Variants in TBC1D32 observed in about 807,000 individuals in gnomAD.
TBC1D32 encodes TBC1 domain family member 32, also known as protein broad-minded.
A neutral mutation model predicts 170.3 loss-of-function variants in TBC1D32; 151 were observed. That is an observed-to-expected ratio of 0.89 (90% CI 0.78 to 1.01). The LOEUF is 1.01. Ranked by LOEUF, TBC1D32 falls within the 50% of genes least tolerant of loss-of-function variation. The pLI is 0.00. For synonymous variants in TBC1D32, 498 were observed against 488.0 expected (o/e 1.02, Z -0.27); for missense variants, 1,464 against 1,457.1 (o/e 1.00, Z -0.08).
intron 24 of TBC1D32, among the ~76,000 whole-genome samples, chr6:121,151,556 C>T (rs558885535): frequency 3.3e-5 from 5 of 152,092 alleles, no homozygotes; most frequent in South Asian, 2.1e-4. Context: ...TGAATATTCT[C>T]GTTAATTTTC....
At chr6:121,329,042 A>G (rs1424688481) in intron 1 of TBC1D32, among the ~76,000 whole-genome samples, 2 of 152,228 alleles carry the variant, frequency 1.3e-5, no homozygotes, top group African/African-American at 4.8e-5. Flanking sequence ...ACACTTCAGA[A>G]GCAGCTCAAT....
rs60601929 is a variant in TBC1D32, at chr6:121,262,479, C to CTT, written c.1734-6196_1734-6195dup. The stretch of plus-strand genomic sequence containing the variant: ...AGAGAATAGAGGCCAATATTAAATA[C>CTT]TTTTTTTTTTTTTTTGAGACAGAGT... On this transcript the variant is annotated intron_variant, in intron 15 of 31. Transcript: ENST00000398212. 8.6e-3 allele frequency among the ~76,000 whole-genome samples: 1,233 copies of CTT among 143,452 alleles called. 23 individuals are homozygous for CTT. The highest frequency in any genetic ancestry group is 0.029 in the African/African-American group (1,135 of 39,100). 94.1% of individuals were successfully genotyped at this position (143,452 alleles called of 152,430 possible).
intron 5 of TBC1D32, 104 bp downstream of exon 5, chr6:121,307,872 A>T: frequency 7.4e-7 from 1 of 1,350,910 alleles, no homozygotes; most frequent in South Asian, 1.5e-5. Flanking sequence ...CAAAAAAAAC[A>T]AAAAAGAAAA....
chr6:121,092,730 A>G (rs976652218), intron 30 of TBC1D32, among the ~76,000 whole-genome samples: 1 of 151,984 alleles, frequency 6.6e-6, no homozygotes, highest in Non-Finnish European at 1.5e-5. Context: ...CTGTGTCCCA[A>G]TTTCCGCTTT....
chr6:121,243,721 A>T (rs1797262123), intron 17 of TBC1D32, among the ~76,000 whole-genome samples: 6 of 152,002 alleles, frequency 3.9e-5, no homozygotes, highest in Admixed American at 3.9e-4. Flanking sequence ...CATACATAAC[A>T]TGAAATCCAT....
chr6:121,208,585 G>T (rs1443542028), intron 21 of TBC1D32, among the ~76,000 whole-genome samples: 3 of 151,828 alleles, frequency 2.0e-5, no homozygotes, highest in African/African-American at 7.3e-5. Context: ...TATCATCCTG[G>T]ATTACCAAAG....
intron 24 of TBC1D32, among the ~76,000 whole-genome samples, chr6:121,137,479 T>TAAA (rs200145102): frequency 1.5e-5 from 2 of 133,300 alleles, no homozygotes; most frequent in Admixed American, 7.5e-5. Context: ...TGGAAGAAGG[T>TAAA]AAAAAAAAAA....
intron 29 of TBC1D32, 123 bp downstream of exon 29, chr6:121,112,382 C>T: frequency 2.3e-6 from 2 of 853,646 alleles, no homozygotes; most frequent in Non-Finnish European, 1.7e-6. Context: ...AAAAAACATT[C>T]AAGTAGAAAA....
At chr6:121,092,779 A>G (rs1776969623) in intron 30 of TBC1D32, among the ~76,000 whole-genome samples, 1 of 152,092 alleles carries the variant, frequency 6.6e-6, no homozygotes, top group African/African-American at 2.4e-5. Context: ...GGTCCAACTT[A>G]ATGACCTCAT....
intron 24 of TBC1D32, among the ~76,000 whole-genome samples, chr6:121,156,022 C>T (rs12527407): frequency 0.065 from 9,834 of 151,746 alleles, 622 homozygotes; most frequent in Admixed American, 0.21. Flanking sequence ...ATAATATTGG[C>T]TTTGTAAAAT....
intron 24 of TBC1D32, among the ~76,000 whole-genome samples, chr6:121,156,163 G>T (rs1784861273): frequency 6.6e-6 from 1 of 150,506 alleles, no homozygotes. Flanking sequence ...TTGGTTGTTA[G>T]GCTTTGTATT....
At chr6:121,285,482 C>T (rs888137890) in intron 12 of TBC1D32, among the ~76,000 whole-genome samples, 2 of 152,156 alleles carry the variant, frequency 1.3e-5, no homozygotes, top group Non-Finnish European at 2.9e-5. Flanking sequence ...CACACTCTAC[C>T]TAGCACATGC....
chr6:121,285,978 C>A (rs1490735270), intron 12 of TBC1D32, among the ~76,000 whole-genome samples: 3 of 152,064 alleles, frequency 2.0e-5, no homozygotes, highest in East Asian at 3.9e-4. Context: ...CACACCAAAA[C>A]CCCATCTATA....
At chr6:121,290,094 G>T (rs1342530758) in intron 12 of TBC1D32, among the ~76,000 whole-genome samples, 1 of 152,124 alleles carries the variant, frequency 6.6e-6, no homozygotes, top group East Asian at 1.9e-4. Context: ...CATGGACAAG[G>T]ACTTCATGTC....
chr6:121,317,760 A>G (rs1809135342), intron 2 of TBC1D32, 88 bp from the exon 3 acceptor site: 2 of 970,288 alleles, frequency 2.1e-6, no homozygotes, highest in East Asian at 2.9e-5. Context: ...TTTTTCTATA[A>G]AAAGGGAAGT....
At chr6:121,111,845 A>C (rs1779238441) in intron 29 of TBC1D32, among the ~76,000 whole-genome samples, 1 of 152,168 alleles carries the variant, frequency 6.6e-6, no homozygotes, top group Non-Finnish European at 1.5e-5. Flanking sequence ...TTCACTGTCC[A>C]AATGCAACAT....
chr6:121,083,528 T>C (rs1775863492), intron 31 of TBC1D32, among the ~76,000 whole-genome samples: 1 of 152,118 alleles, frequency 6.6e-6, no homozygotes. Context: ...GGTATATACG[T>C]AGTTTCCCTC....
At chr6:121,224,776 T>C (rs1794882514) in intron 20 of TBC1D32, among the ~76,000 whole-genome samples, 1 of 151,954 alleles carries the variant, frequency 6.6e-6, no homozygotes, top group South Asian at 2.1e-4. Flanking sequence ...AGTGGCTACA[T>C]AATGAATATA....
chr6:121,155,436 A>G (rs1437480915), intron 24 of TBC1D32, among the ~76,000 whole-genome samples: 1 of 152,096 alleles, frequency 6.6e-6, no homozygotes, highest in East Asian at 1.9e-4. Flanking sequence ...GAATTGTATC[A>G]TCAGCAAGGG....
Sources: allele counts gnomAD v4.1 joint callset (sites outside exome capture counted in the v4.1 genomes callset), GRCh38; gene constraint gnomAD v4.1.1; transcripts MANE v1.5; gene names NCBI Gene and HGNC (gene_info 2026-07-23, HGNC 2026-07-21).